CNTN4: variants seen among roughly 807,000 people sequenced by gnomAD.
CNTN4 encodes the protein contactin-4.
A neutral mutation model predicts 122.5 loss-of-function variants in CNTN4; 77 were observed. The observed-to-expected ratio is 0.63, with a 90% CI of 0.52 to 0.76. The LOEUF (loss-of-function observed/expected upper bound fraction) is 0.76. Ranked by LOEUF, CNTN4 falls within the 30% of genes least tolerant of loss-of-function variation. The pLI, the probability that CNTN4 is intolerant of heterozygous loss-of-function variation, is 0.00. For missense variants in CNTN4, 1,256 were observed against 1,259.1 expected (o/e 1.00, Z 0.04); for synonymous variants, 512 against 447.0 (o/e 1.15, Z -1.83).
chr3:2,235,910 A>C (rs959450490), intron 2 of CNTN4, among the ~76,000 whole-genome samples: 1 of 152,146 alleles, frequency 6.6e-6, no homozygotes, highest in Non-Finnish European at 1.5e-5. Flanking sequence ...CAGTACACAT[A>C]CAATGTAGTT....
intron 8 of CNTN4, among the ~76,000 whole-genome samples, chr3:2,881,454 A>G (rs1400437415): frequency 6.6e-6 from 1 of 151,516 alleles, no homozygotes; most frequent in Non-Finnish European, 1.5e-5. Flanking sequence ...CGGAGGTTGC[A>G]GTGAGCCAAA....
chr3:2,516,378 A>G (rs1439692324), intron 3 of CNTN4, among the ~76,000 whole-genome samples: 1 of 152,060 alleles, frequency 6.6e-6, no homozygotes, highest in Non-Finnish European at 1.5e-5. Flanking sequence ...ACTAGATTAT[A>G]CTGACAGATA....
chr3:2,687,835 T>A (rs2150555519), intron 4 of CNTN4, among the ~76,000 whole-genome samples: 1 of 152,260 alleles, frequency 6.6e-6, no homozygotes, highest in East Asian at 1.9e-4. Flanking sequence ...TTACCAATTA[T>A]TTATTCATTT....
intron 3 of CNTN4, among the ~76,000 whole-genome samples, chr3:2,427,311 G>A (rs2047877516): frequency 6.6e-6 from 1 of 152,150 alleles, no homozygotes; most frequent in Non-Finnish European, 1.5e-5. Context: ...CTTTATTTCT[G>A]CCTTCATTTC....
chr3:3,019,690 G>T (rs1241981053), intron 14 of CNTN4, among the ~76,000 whole-genome samples: 1 of 151,148 alleles, frequency 6.6e-6, no homozygotes, highest in Non-Finnish European at 1.5e-5. Flanking sequence ...ATATGTATAT[G>T]TGTGTGTCTG....
chr3:2,631,865 C>CA (rs1157671569), intron 4 of CNTN4, among the ~76,000 whole-genome samples: 4,648 of 69,988 alleles, frequency 0.066, 310 homozygotes, highest in African/African-American at 0.19. Flanking sequence ...CGTATCTCTA[C>CA]AAAAAAAAAA....
At chr3:2,187,406 T>C (rs567220651) in intron 2 of CNTN4, among the ~76,000 whole-genome samples, 2 of 152,160 alleles carry the variant, frequency 1.3e-5, no homozygotes, top group Non-Finnish European at 2.9e-5. Context: ...GTCTTGGCAA[T>C]GCGGGCTCTT....
intron 14 of CNTN4, among the ~76,000 whole-genome samples, chr3:2,995,150 G>A (rs981900758): frequency 6.6e-6 from 1 of 152,092 alleles, no homozygotes; most frequent in Non-Finnish European, 1.5e-5. Context: ...GATCCTGTTA[G>A]ATCTGAGATC....
chr3:2,161,068 C>T (rs1390120095), intron 2 of CNTN4, among the ~76,000 whole-genome samples: 1 of 152,082 alleles, frequency 6.6e-6, no homozygotes, highest in South Asian at 2.1e-4. Context: ...AAGATGGAGG[C>T]TTCTCGGACA....
At position 2,957,804 on chromosome 3, in the gene CNTN4, G is replaced by A. The variant is rs192054624; in HGVS notation, c.1359-30541G>A. On this transcript the variant is annotated intron_variant, in intron 13 of 24. Transcript: ENST00000418658. Reference sequence around the variant, plus strand: ...TATATGCCGCATAGTATTCCATGGTGTATATGTGTTGCATTTTCTCTATCC... The same window carrying A: ...TATATGCCGCATAGTATTCCATGGTATATATGTGTTGCATTTTCTCTATCC... 6.8e-4 allele frequency among the ~76,000 whole-genome samples: 104 copies of A among 152,196 alleles called. 1 individual carries two copies. The highest frequency in any genetic ancestry group is 2.4e-3 in the African/African-American group (99 of 41,516).
At chr3:2,704,978 T>G (rs1355446997) in intron 4 of CNTN4, among the ~76,000 whole-genome samples, 1 of 152,088 alleles carries the variant, frequency 6.6e-6, no homozygotes. Flanking sequence ...ATATTTAATC[T>G]GAGTCCTCAA....
chr3:2,688,550 T>A (rs1470353241), intron 4 of CNTN4, among the ~76,000 whole-genome samples: 1 of 152,208 alleles, frequency 6.6e-6, no homozygotes, highest in Non-Finnish European at 1.5e-5. Context: ...TACTCTGGAA[T>A]GAGATGTGAT....
At chr3:2,849,321 C>G (rs1223547890) in intron 7 of CNTN4, among the ~76,000 whole-genome samples, 2 of 152,304 alleles carry the variant, frequency 1.3e-5, no homozygotes, top group Non-Finnish European at 1.5e-5. Flanking sequence ...TGAAAAAGTT[C>G]TAGACATGAA....
intron 3 of CNTN4, among the ~76,000 whole-genome samples, chr3:2,365,732 T>A (rs532584591): frequency 6.4e-4 from 98 of 152,192 alleles, no homozygotes; most frequent in African/African-American, 8.2e-4. Context: ...AATAAAAAAA[T>A]ATATATATAC....
At chr3:3,049,377 C>T (rs930155865) in intron 23 of CNTN4, among the ~76,000 whole-genome samples, 1 of 152,242 alleles carries the variant, frequency 6.6e-6, no homozygotes, top group African/African-American at 2.4e-5. Flanking sequence ...GCCACCATGC[C>T]TGGCCTCATC....
At chr3:2,547,222 T>G (rs2078281796) in intron 3 of CNTN4, among the ~76,000 whole-genome samples, 1 of 150,656 alleles carries the variant, frequency 6.6e-6, no homozygotes, top group Non-Finnish European at 1.5e-5. Context: ...AGATCAGGGT[T>G]TTGTATGATA....
chr3:2,419,561 A>G (rs190161938), intron 3 of CNTN4, among the ~76,000 whole-genome samples: 118 of 152,360 alleles, frequency 7.7e-4, no homozygotes, highest in Middle Eastern at 6.8e-3. Context: ...CATTGCGAAT[A>G]GTGAAGTCTG....
At chr3:2,840,664 A>G (rs546315293) in intron 7 of CNTN4, among the ~76,000 whole-genome samples, 1 of 148,284 alleles carries the variant, frequency 6.7e-6, no homozygotes, top group Non-Finnish European at 1.5e-5. Flanking sequence ...ACACCACTGC[A>G]CTCCAGCCTG....
At chr3:2,579,828 T>C (rs889883934) in intron 4 of CNTN4, among the ~76,000 whole-genome samples, 11 of 152,226 alleles carry the variant, frequency 7.2e-5, no homozygotes, top group African/African-American at 2.4e-4. Context: ...TAAACATAGT[T>C]CCTGTTATGG....
Sources: allele counts gnomAD v4.1 joint callset (sites outside exome capture counted in the v4.1 genomes callset), GRCh38; gene constraint gnomAD v4.1.1; transcripts MANE v1.5; gene names NCBI Gene and HGNC (gene_info 2026-07-23, HGNC 2026-07-21).